The following PLA2G6 variants were observed in gnomAD, a reference collection of about 807,000 sequenced individuals.
PLA2G6 encodes phospholipase A2 group VI, also known as 85/88 kDa calcium-independent phospholipase A2.
In PLA2G6, 62 loss-of-function variants were observed where a neutral mutation model predicts 83.8. The observed-to-expected ratio is 0.74, with a 90% CI of 0.60 to 0.91. The LOEUF (loss-of-function observed/expected upper bound fraction) is 0.91, where lower values mean the gene tolerates loss of function less well. Among genes scored for constraint, PLA2G6 ranks in the 40% least tolerant of loss-of-function variants. The pLI is 0.00. For synonymous variants in PLA2G6, 417 were observed against 449.8 expected, an observed-to-expected ratio of 0.93 and a Z score of 0.92; for missense variants, 944 against 1,102.0, an observed-to-expected ratio of 0.86 and a Z score of 2.03.
chr22:38,173,641 T>G (rs1409979058), intron 1 of PLA2G6, among the ~76,000 whole-genome samples: 1 of 152,104 alleles, frequency 6.6e-6, no homozygotes, highest in Non-Finnish European at 1.5e-5. Flanking sequence ...TGTGCTGGTG[T>G]GAGGGTCCCC....
intron 2 of PLA2G6, among the ~76,000 whole-genome samples, chr22:38,159,274 A>G (rs2089914314): frequency 6.6e-6 from 1 of 152,224 alleles, no homozygotes. Flanking sequence ...TCGATAAAAT[A>G]GAAAAATTCC....
chr22:38,171,104 G>A (rs542724008), intron 1 of PLA2G6, among the ~76,000 whole-genome samples: 15 of 151,506 alleles, frequency 9.9e-5, no homozygotes, highest in South Asian at 2.1e-4. Context: ...CCTGGGAGGC[G>A]GAGGTTGCGG....
chr22:38,151,975 C>T (rs2145859142), intron 2 of PLA2G6, among the ~76,000 whole-genome samples: 1 of 152,290 alleles, frequency 6.6e-6, no homozygotes, highest in South Asian at 2.1e-4. Flanking sequence ...TTTTCCAAGG[C>T]TGTTTGCTGT....
chr22:38,154,657 C>T (rs1175736341), intron 2 of PLA2G6, among the ~76,000 whole-genome samples: 3 of 152,346 alleles, frequency 2.0e-5, no homozygotes, highest in Middle Eastern at 6.8e-3. Context: ...CAGATACAAA[C>T]AAGCCCAGAC....
intron 11 of PLA2G6, among the ~76,000 whole-genome samples, chr22:38,122,236 CTT>C (rs1354665077): frequency 6.6e-6 from 1 of 152,146 alleles, no homozygotes; most frequent in Non-Finnish European, 1.5e-5. Flanking sequence ...ACCTCCAAGA[CTT>C]TGCATGACCA....
intron 1 of PLA2G6, among the ~76,000 whole-genome samples, chr22:38,171,099 G>A (rs1435143867): frequency 7.3e-5 from 11 of 151,174 alleles, no homozygotes; most frequent in Admixed American, 7.3e-4. Flanking sequence ...TTGAACCTGG[G>A]AGGCGGAGGT....
chr22:38,113,405 A>T (rs1174217616), intron 15 of PLA2G6, 82 bp downstream of exon 15: 16 of 1,325,680 alleles, frequency 1.2e-5, no homozygotes, highest in Non-Finnish European at 1.5e-5. Context: ...CCAACACCAA[A>T]GGCCCCACAG....
At chr22:38,114,242 G>A (rs369428816) in intron 14 of PLA2G6, among the ~76,000 whole-genome samples, 1 of 151,000 alleles carries the variant, frequency 6.6e-6, no homozygotes, top group African/African-American at 2.4e-5. Context: ...GTGCAGTGGC[G>A]CGATCTCGGC....
Position 38,116,268 on chromosome 22 carries a change from T to C in PLA2G6, c.1743-57A>G, listed in dbSNP as rs895609031. ...GCCACCCGCCCATCCACCTTTCCCT[T>C]TCCCCACAATTCACACCCCAGGGCC... On this transcript the variant is annotated intron_variant, in intron 12 of 16. Transcript: ENST00000332509. 3.8e-6 allele frequency: 6 copies of C among 1,595,598 alleles called. No individual in the cohort carries two copies. In the African/African-American group the frequency reaches 8.0e-5, roughly 21 times the overall value.
chr22:38,151,246 CCTT>C, intron 2 of PLA2G6, among the ~76,000 whole-genome samples: 1 of 151,904 alleles, frequency 6.6e-6, no homozygotes, highest in Admixed American at 6.6e-5. Context: ...CTTTTTCTTT[CCTT>C]CTTTTTTTTT....
rs1279880878 is a variant in PLA2G6 at position 38,128,657 on chromosome 22, G to A, written c.1187-227C>T. 1.3e-5 allele frequency among the ~76,000 whole-genome samples: 2 copies of A among 152,178 alleles called. No homozygotes were observed. Among genetic ancestry groups the A allele is most frequent in the Admixed American group, 6.5e-5 (1 of 15,282 alleles). The stretch of plus-strand genomic sequence containing the variant: ...AGGGAAGGAGGATATGGGAGGAGGA[G>A]GTCAGTGTCACCCTGCCCGATGCCT... On this transcript the variant is annotated intron_variant, in intron 8 of 16. Transcript: ENST00000332509. The surrounding 1 kb of genome is among the most constrained non-coding windows in gnomAD (Gnocchi z 4.4).
chr22:38,140,069 C>A lies in PLA2G6; in HGVS notation c.710G>T (p.Arg237Leu). ...CCGAGCATTGCACAGCAGCAGCACG[C>A]GGACCATCTCCTGCTTCCCCAGCTG... Reference protein sequence around the residue: ...ACQLGKQEMVRVLLLCNARCN... With the variant: ...ACQLGKQEMVLVLLLCNARCN... Residue 237 changes from arginine (R) to leucine (L), a missense_variant, in exon 5 of 17, where the codon CGC (arginine) becomes CTC (leucine). Transcript: ENST00000332509. The A allele has an allele frequency of 6.2e-7, 1 of 1,613,970 alleles. No homozygotes were observed. The highest frequency in any genetic ancestry group is 8.5e-7 in the Non-Finnish European group (1 of 1,179,938).
intron 10 of PLA2G6, 66 bp downstream of exon 10, chr22:38,126,304 AG>A: frequency 4.1e-6 from 5 of 1,211,108 alleles, no homozygotes; most frequent in Non-Finnish European, 6.1e-6. Context: ...AGCCCACAAC[AG>A]GGGGTGGGTG....
chr22:38,112,821 G>A (rs2086961224), intron 15 of PLA2G6: 1 of 594,278 alleles, frequency 1.7e-6, no homozygotes, highest in African/African-American at 1.9e-5. Context: ...TGATGAGTGG[G>A]GGAAAGGGTA....
chr22:38,175,317 C>A (rs1414289536), intron 1 of PLA2G6, among the ~76,000 whole-genome samples: 1 of 152,112 alleles, frequency 6.6e-6, no homozygotes, highest in African/African-American at 2.4e-5. Context: ...CAGCCTGACA[C>A]CCCTCCATGC....
At chr22:38,126,693 C>T (rs2087881907) in intron 9 of PLA2G6, 1 of 528,674 alleles carries the variant, frequency 1.9e-6, no homozygotes, top group Admixed American at 3.1e-5. Flanking sequence ...GGAAGGGCTC[C>T]CCACCCTGCC....
chr22:38,126,533 C>G, intron 9 of PLA2G6, 84 bp from the exon 10 acceptor site: 1 of 996,426 alleles, frequency 1.0e-6, no homozygotes, highest in South Asian at 1.3e-5. Flanking sequence ...CAAACCTGGG[C>G]TGTGCCTCGC....
At chr22:38,173,742 T>C (rs528928951) in intron 1 of PLA2G6, among the ~76,000 whole-genome samples, 4 of 152,224 alleles carry the variant, frequency 2.6e-5, no homozygotes, top group Non-Finnish European at 4.4e-5. Context: ...AGGCCCTGAA[T>C]TGTACATGTT....
intron 4 of PLA2G6, chr22:38,140,575 C>T (rs557042795): frequency 2.4e-5 from 6 of 250,694 alleles, no homozygotes; most frequent in African/African-American, 9.0e-5. Flanking sequence ...GGGAAGGGGT[C>T]GACCTGGCAT....
Sources: gnomAD v4.1 joint callset for allele counts (sites outside exome capture counted in the v4.1 genomes callset) on GRCh38, gnomAD v4.1.1 for gene constraint, Gnocchi (gnomAD v3.1) non-coding constraint, MANE v1.5 for transcripts, NCBI Gene and HGNC (gene_info 2026-07-23, HGNC 2026-07-21) for gene names.